The following PCDH11X variants were observed in gnomAD, a reference collection of about 807,000 sequenced individuals.
The protein encoded by PCDH11X is protocadherin 11 X-linked.
Under a neutral mutation model 53.3 loss-of-function variants are expected in PCDH11X, and 18 were observed. That is an observed-to-expected ratio of 0.34 (90% CI 0.23 to 0.50). PCDH11X has a LOEUF of 0.50. Ranked by LOEUF, PCDH11X falls within the 20% of genes least tolerant of loss-of-function variation. The pLI is 0.98. For synonymous variants in PCDH11X, 279 were observed against 393.3 expected (o/e 0.71, Z 3.44); for missense variants, 570 against 1,032.4 (o/e 0.55, Z 6.14).
At chrX:92,176,123 C>A (rs1271107146) in intron 6 of PCDH11X, among the ~76,000 whole-genome samples, 1 of 111,199 alleles carries the variant, frequency 9.0e-6, no homozygotes, top group East Asian at 2.8e-4. Flanking sequence ...ACGAGAGCAA[C>A]TGACATATGG....
At chrX:92,311,468 C>G (rs780845565) in intron 8 of PCDH11X, among the ~76,000 whole-genome samples, 1 of 110,918 alleles carries the variant, frequency 9.0e-6, no homozygotes, top group South Asian at 3.8e-4. Flanking sequence ...GAGAAAAAAG[C>G]CCCCCAAAAC....
At chrX:92,609,933 C>A (rs1056710815) in intron 10 of PCDH11X, among the ~76,000 whole-genome samples, 4 of 111,489 alleles carry the variant, frequency 3.6e-5, no homozygotes, top group Non-Finnish European at 7.6e-5. Context: ...ATAGTTTGTT[C>A]TTTTAAAGAC....
At chrX:92,216,065 C>G (rs201979472) in intron 7 of PCDH11X, among the ~76,000 whole-genome samples, 84 of 100,264 alleles carry the variant, frequency 8.4e-4, no homozygotes, top group Admixed American at 1.5e-3. Flanking sequence ...ATGTCACCAT[C>G]ATCAAAGACC....
At chrX:92,214,221 T>C (rs928462402) in intron 7 of PCDH11X, among the ~76,000 whole-genome samples, 3 of 111,865 alleles carry the variant, frequency 2.7e-5, no homozygotes, top group Non-Finnish European at 5.6e-5. Flanking sequence ...GAAGGTATGA[T>C]CCTCAAAGAA....
At position 92,606,614 on chromosome X, in the gene PCDH11X, G is replaced by A. The variant is rs891511708; in HGVS notation, c.3368-11650G>A. On this transcript the variant is annotated intron_variant, in intron 10 of 10. Transcript: ENST00000682573. ...GCAAACCTTTATGACTTTGCATTAA[G>A]CAAAGTTTTCTTAGATCTGACACTA... is the stretch of plus-strand genomic sequence containing the variant. Among the ~76,000 whole-genome samples the A allele has an allele frequency of 4.2e-3, 458 of 109,379 alleles. 2 individuals are homozygous for A. The highest frequency in any genetic ancestry group is 0.014 in the African/African-American group (427 of 30,077). The allele number at this position is 109,379 out of a possible 115,157, so 95.0% of individuals were successfully genotyped here.
chrX:92,485,492 G>A (rs1442480009), intron 10 of PCDH11X, among the ~76,000 whole-genome samples: 1 of 111,166 alleles, frequency 9.0e-6, no homozygotes, highest in Non-Finnish European at 1.9e-5. Context: ...TATCTGATTC[G>A]ATGTATTATT....
intron 8 of PCDH11X, among the ~76,000 whole-genome samples, chrX:92,332,863 G>C (rs1160841413): frequency 8.9e-6 from 1 of 111,925 alleles, no homozygotes; most frequent in African/African-American, 3.2e-5. Context: ...TGTTTCAGTA[G>C]ACTGCTAGCT....
At chrX:92,092,232 C>A (rs2064061292) in intron 6 of PCDH11X, among the ~76,000 whole-genome samples, 1 of 111,341 alleles carries the variant, frequency 9.0e-6, no homozygotes, top group Non-Finnish European at 1.9e-5. Flanking sequence ...TGCCCAATAT[C>A]TCAGCAGGCA....
intron 6 of PCDH11X, among the ~76,000 whole-genome samples, chrX:92,131,111 A>AT (rs1401468555): frequency 9.0e-6 from 1 of 111,700 alleles, no homozygotes; most frequent in Non-Finnish European, 1.9e-5. Context: ...ATCATGATAT[A>AT]TACTTGAATG....
intron 5 of PCDH11X, among the ~76,000 whole-genome samples, chrX:91,875,504 G>T (rs1330458377): frequency 1.8e-5 from 2 of 108,156 alleles, no homozygotes; most frequent in South Asian, 8.1e-4. Flanking sequence ...TGTTAGCCAG[G>T]ATGGTCTCGA....
chrX:91,882,966 C>A, intron 6 of PCDH11X: 1 of 1,175,410 alleles, frequency 8.5e-7, no homozygotes, highest in Non-Finnish European at 1.1e-6. Context: ...CTAGGAACAA[C>A]AAAATTCCAT....
At chrX:91,818,366 A>C (rs1308518120) in intron 4 of PCDH11X, among the ~76,000 whole-genome samples, 1 of 103,584 alleles carries the variant, frequency 9.7e-6, no homozygotes, top group African/African-American at 4.3e-5. Flanking sequence ...CAAATGCATG[A>C]AGAATTTTTT....
chrX:92,089,010 A>G (rs2148115589), intron 6 of PCDH11X, among the ~76,000 whole-genome samples: 1 of 108,463 alleles, frequency 9.2e-6, no homozygotes, highest in African/African-American at 3.4e-5. Context: ...GGATGTAGAA[A>G]CATCTCATCT....
intron 6 of PCDH11X, among the ~76,000 whole-genome samples, chrX:91,896,300 G>A (rs1940752927): frequency 9.1e-6 from 1 of 109,640 alleles, no homozygotes; most frequent in Non-Finnish European, 1.9e-5. Context: ...ATTTTTGTGT[G>A]TGTGTCTTTT....
At chrX:92,275,115 T>G (rs751860120) in intron 8 of PCDH11X, among the ~76,000 whole-genome samples, 1 of 100,194 alleles carries the variant, frequency 1.0e-5, no homozygotes, top group South Asian at 4.8e-4. Flanking sequence ...GTTTGTGATT[T>G]TTAGGGCCTC....
At chrX:92,532,256 A>G (rs1602269719) in intron 10 of PCDH11X, among the ~76,000 whole-genome samples, 1 of 111,432 alleles carries the variant, frequency 9.0e-6, no homozygotes, top group East Asian at 2.8e-4. Flanking sequence ...TATTAGATTT[A>G]TTTTCTCCTT....
chrX:92,178,407 A>T (rs1248641492), intron 6 of PCDH11X, among the ~76,000 whole-genome samples: 2 of 112,056 alleles, frequency 1.8e-5, no homozygotes, highest in African/African-American at 3.2e-5. Context: ...AATTTATTTG[A>T]CATTCACAGT....
intron 10 of PCDH11X, among the ~76,000 whole-genome samples, chrX:92,558,465 A>G (rs939512913): frequency 9.0e-6 from 1 of 111,713 alleles, no homozygotes; most frequent in Non-Finnish European, 1.9e-5. Context: ...ATTGGGAAGG[A>G]ACTGGTTAAA....
intron 8 of PCDH11X, among the ~76,000 whole-genome samples, chrX:92,288,284 A>G (rs1387722777): frequency 9.0e-6 from 1 of 111,141 alleles, no homozygotes; most frequent in African/African-American, 3.3e-5. Flanking sequence ...TTCTGTAGCT[A>G]GTAGGTTCTT....
Sources: allele counts gnomAD v4.1 joint callset (sites outside exome capture counted in the v4.1 genomes callset), GRCh38; gene constraint gnomAD v4.1.1; transcripts MANE v1.5; gene names NCBI Gene and HGNC (gene_info 2026-07-23, HGNC 2026-07-21).